The following NDUFAF2 variants were observed in gnomAD, a reference collection of about 807,000 sequenced individuals.
NDUFAF2 encodes the protein NADH:ubiquinone oxidoreductase complex assembly factor 2, also known as NADH dehydrogenase [ubiquinone] 1 alpha subcomplex assembly factor 2.
Under a neutral mutation model 22.8 loss-of-function variants are expected in NDUFAF2, and 13 were observed. The observed-to-expected ratio is 0.57, with a 90% CI of 0.37 to 0.91. NDUFAF2 has a LOEUF of 0.91. Ranked by LOEUF, NDUFAF2 falls within the 40% of genes least tolerant of loss-of-function variation. The pLI is 0.01. For missense variants in NDUFAF2, 162 were observed against 195.2 expected, an observed-to-expected ratio of 0.83 and a Z score of 1.01; for synonymous variants, 53 against 64.2, an observed-to-expected ratio of 0.83 and a Z score of 0.84.
intron 1 of NDUFAF2, among the ~76,000 whole-genome samples, chr5:61,047,352 T>A (rs1440477707): frequency 6.6e-6 from 1 of 151,978 alleles, no homozygotes; most frequent in Non-Finnish European, 1.5e-5. Flanking sequence ...CACTAAAGAA[T>A]ACAAGTTTCA....
intron 3 of NDUFAF2, among the ~76,000 whole-genome samples, chr5:61,148,449 G>A (rs159371): frequency 0.63 from 95,072 of 151,996 alleles, 30,554 homozygotes; most frequent in East Asian, 0.94. Context: ...ACCCATTTCA[G>A]AGAGAGATGT....
chr5:60,962,206 T>A (rs184191856), intron 1 of NDUFAF2, among the ~76,000 whole-genome samples: 40 of 152,152 alleles, frequency 2.6e-4, no homozygotes, highest in Non-Finnish European at 4.4e-4. Flanking sequence ...CTGATTTTTT[T>A]AACATAGGTT....
chr5:61,105,103 C>G (rs1308411836), intron 3 of NDUFAF2, among the ~76,000 whole-genome samples: 4 of 146,952 alleles, frequency 2.7e-5, no homozygotes, highest in Admixed American at 2.7e-4. Context: ...TGACATATTT[C>G]CTATGCCATG....
At chr5:61,015,762 A>G (rs1751499046) in intron 1 of NDUFAF2, among the ~76,000 whole-genome samples, 2 of 152,236 alleles carry the variant, frequency 1.3e-5, no homozygotes, top group South Asian at 4.1e-4. Flanking sequence ...TGATTAAAAA[A>G]TCTGAAGCAA....
chr5:60,955,592 A>G (rs191892492), intron 1 of NDUFAF2, among the ~76,000 whole-genome samples: 35 of 151,972 alleles, frequency 2.3e-4, no homozygotes, highest in Middle Eastern at 3.4e-3. Flanking sequence ...TGTTGTTTCT[A>G]TTTCTGGAAA....
intron 3 of NDUFAF2, among the ~76,000 whole-genome samples, chr5:61,104,098 T>C (rs937113774): frequency 6.6e-6 from 1 of 152,090 alleles, no homozygotes; most frequent in African/African-American, 2.4e-5. Context: ...ACTTAAGATA[T>C]TTTCAATTTT....
chr5:60,951,951 A>C (rs1167357694), intron 1 of NDUFAF2, among the ~76,000 whole-genome samples: 1 of 151,276 alleles, frequency 6.6e-6, no homozygotes, highest in Non-Finnish European at 1.5e-5. Flanking sequence ...GAGTTTTGGT[A>C]GTTTTTATCT....
chr5:61,048,820 A>G (rs1751987565), intron 1 of NDUFAF2, among the ~76,000 whole-genome samples: 1 of 152,110 alleles, frequency 6.6e-6, no homozygotes, highest in Non-Finnish European at 1.5e-5. Context: ...GGAAAATATC[A>G]TCTTTGAGAC....
At chr5:60,981,010 G>C (rs1354703198) in intron 1 of NDUFAF2, among the ~76,000 whole-genome samples, 2 of 152,100 alleles carry the variant, frequency 1.3e-5, no homozygotes, top group African/African-American at 4.8e-5. Context: ...AGATGGGGTA[G>C]AAAGTTTATT....
chr5:61,151,757 G>A (rs1191584185), intron 3 of NDUFAF2, among the ~76,000 whole-genome samples: 2 of 151,942 alleles, frequency 1.3e-5, no homozygotes, highest in Admixed American at 6.6e-5. Flanking sequence ...TCACACCATT[G>A]TACTCCAGCC....
chr5:61,036,983 A>G (rs961619365), intron 1 of NDUFAF2, among the ~76,000 whole-genome samples: 8 of 152,090 alleles, frequency 5.3e-5, no homozygotes, highest in Admixed American at 5.2e-4. Flanking sequence ...ATAGCACACC[A>G]TCCTAAATTT....
At chr5:61,081,124 A>T (rs1752436798) in intron 2 of NDUFAF2, among the ~76,000 whole-genome samples, 1 of 152,110 alleles carries the variant, frequency 6.6e-6, no homozygotes, top group African/African-American at 2.4e-5. Flanking sequence ...CCTTTGTCAG[A>T]CATCAATTGA....
chr5:61,107,616 T>C lies in NDUFAF2; in HGVS notation c.258+8584T>C, dbSNP rs186707384. ...TGTGACCCCATTTGTGCGTTTTTGC[T>C]TTGATTGCCTATGCTTGTGGGGTAT... On this transcript the variant is annotated intron_variant, in intron 3 of 3. Coordinates refer to ENST00000296597, the MANE Select transcript of NDUFAF2 (RefSeq NM_174889.5). Among the ~76,000 whole-genome samples, 1,470 of 151,410 alleles carry C rather than the reference T, an allele frequency of 9.7e-3. 14 individuals carry two copies. The highest frequency in any genetic ancestry group is 0.014 in the Non-Finnish European group (954 of 67,990).
At chr5:61,095,568 G>A (rs545003538) in intron 2 of NDUFAF2, among the ~76,000 whole-genome samples, 2 of 129,788 alleles carry the variant, frequency 1.5e-5, no homozygotes, top group African/African-American at 5.3e-5. Context: ...CAGAGCTGCA[G>A]TCACTATTGC....
At chr5:61,049,183 T>G (rs1284958626) in intron 1 of NDUFAF2, among the ~76,000 whole-genome samples, 2 of 152,254 alleles carry the variant, frequency 1.3e-5, no homozygotes, top group East Asian at 3.9e-4. Context: ...GATGTAACCT[T>G]TTATTAAAAC....
At chr5:60,983,519 T>C (rs1394402159) in intron 1 of NDUFAF2, among the ~76,000 whole-genome samples, 1 of 148,728 alleles carries the variant, frequency 6.7e-6, no homozygotes, top group Non-Finnish European at 1.5e-5. Context: ...TCTTCTGGGG[T>C]TTTTATGGTT....
chr5:61,144,980 T>C (rs935741581), intron 3 of NDUFAF2, among the ~76,000 whole-genome samples: 1 of 152,212 alleles, frequency 6.6e-6, no homozygotes, highest in East Asian at 1.9e-4. Flanking sequence ...AGTTAATGTA[T>C]AGTAGGATTT....
intron 3 of NDUFAF2, among the ~76,000 whole-genome samples, chr5:61,142,383 A>T (rs2111827272): frequency 6.6e-6 from 1 of 152,328 alleles, no homozygotes; most frequent in South Asian, 2.1e-4. Context: ...AAGAAAACTT[A>T]ATGCCAGAAA....
At chr5:61,093,176 G>C (rs1259344339) in intron 2 of NDUFAF2, among the ~76,000 whole-genome samples, 1 of 152,186 alleles carries the variant, frequency 6.6e-6, no homozygotes, top group Non-Finnish European at 1.5e-5. Context: ...CTTTATTCTA[G>C]CCATGCTGGC....
Sources: allele counts gnomAD v4.1 joint callset (sites outside exome capture counted in the v4.1 genomes callset), GRCh38; gene constraint gnomAD v4.1.1; transcripts MANE v1.5; gene names NCBI Gene and HGNC (gene_info 2026-07-23, HGNC 2026-07-21).